Variants in TSPAN14 observed in about 807,000 individuals in gnomAD.
TSPAN14 encodes tetraspanin-14.
Under a neutral mutation model 36.6 loss-of-function variants are expected in TSPAN14, and 16 were observed. The observed-to-expected ratio is 0.44, with a 90% CI of 0.30 to 0.66. TSPAN14 has a LOEUF of 0.66. TSPAN14 is among the 30% of genes least tolerant of loss of function. TSPAN14 has a pLI of 0.12. For synonymous variants in TSPAN14, 139 were observed against 143.8 expected (o/e 0.97, Z 0.24); for missense variants, 231 against 355.1 (o/e 0.65, Z 2.81).
chr10:80,478,274 T>G (rs372481110), intron 1 of TSPAN14, among the ~76,000 whole-genome samples: 24 of 152,216 alleles, frequency 1.6e-4, no homozygotes, highest in African/African-American at 5.5e-4. Flanking sequence ...AGTAGTAGTA[T>G]TAGAAAATAA....
intron 1 of TSPAN14, among the ~76,000 whole-genome samples, chr10:80,481,150 G>T (rs1847250615): frequency 6.6e-6 from 1 of 152,068 alleles, no homozygotes; most frequent in South Asian, 2.1e-4. Context: ...AGACATACTG[G>T]ATGTGAAAAA....
In TSPAN14 at chr10:80,517,797, G is replaced by C. The variant is rs765000519; in HGVS notation, c.742-108G>C. The C allele has an allele frequency of 3.9e-4, 409 of 1,052,782 alleles. 1 individual carries two copies. The highest frequency in any genetic ancestry group is 5.3e-4 in the Non-Finnish European group (370 of 698,198). 65.2% of individuals were successfully genotyped at this position (1,052,782 alleles called of 1,614,324 possible). On this transcript the variant is annotated intron_variant, in intron 8 of 8. Transcript: ENST00000429989. Reference sequence around the variant, plus strand: ...TCTCTACGTCTTCAGTCGCAGCTGGGGGGTGAGGAGAGGCGTGCAGTGGGA... The same window carrying C: ...TCTCTACGTCTTCAGTCGCAGCTGGCGGGTGAGGAGAGGCGTGCAGTGGGA...
At chr10:80,519,174 C>T (rs555205164) in exon 9 of TSPAN14, 3 of 152,874 alleles carry the variant, frequency 2.0e-5, no homozygotes, top group South Asian at 2.1e-4. Flanking sequence ...CGGAGACAGC[C>T]GTTCTTCTGC....
intron 1 of TSPAN14, among the ~76,000 whole-genome samples, chr10:80,465,040 TC>T (rs1846165162): frequency 6.6e-6 from 1 of 152,126 alleles, no homozygotes; most frequent in South Asian, 2.1e-4. Context: ...TCTGTCAAGA[TC>T]CCCCTTCGCC....
intron 7 of TSPAN14, among the ~76,000 whole-genome samples, chr10:80,515,107 A>G (rs1840865587): frequency 6.6e-6 from 1 of 152,240 alleles, no homozygotes; most frequent in Non-Finnish European, 1.5e-5. Context: ...CTAAGATAAG[A>G]ACCTATATCA....
chr10:80,504,772 C>T (rs757374758), exon 3 of TSPAN14: 30 of 1,614,142 alleles, frequency 1.9e-5, no homozygotes, highest in Non-Finnish European at 2.5e-5. Context: ...GGGCATGGAG[C>T]GAAAAGGTAG....
In TSPAN14 at chr10:80,516,433, C is replaced by CAAAA; in HGVS notation, c.741+111_741+112insAAAA. On this transcript the variant is annotated intron_variant, in intron 8 of 8. Transcript: ENST00000429989. ...TTGGGTATGGTATTAAGGAAGCTTG[C>CAAAA]AGAAGAAAAAAAGGGATTCAACTGG... is the stretch of plus-strand genomic sequence containing the variant. 3.3e-6 allele frequency: 5 copies of CAAAA among 1,492,628 alleles called. No homozygotes were observed. The Admixed American group carries it at 6.0e-5, about 18-fold the overall frequency. The allele number at this position is 1,492,628 out of a possible 1,614,324, so 92.5% of individuals were successfully genotyped here.
chr10:80,520,893 T>C (rs755798454), exon 9 of TSPAN14: 40 of 509,262 alleles, frequency 7.9e-5, no homozygotes, highest in Non-Finnish European at 1.4e-4. Flanking sequence ...TCGCCAGTTC[T>C]CTGACCTCTC....
chr10:80,519,619 T>C (rs867655264), exon 9 of TSPAN14: 2 of 152,276 alleles, frequency 1.3e-5, no homozygotes, highest in Non-Finnish European at 2.9e-5. Flanking sequence ...ATGGAATATA[T>C]CTTTATATTA....
intron 3 of TSPAN14, 163 bp from the exon 4 acceptor site, chr10:80,507,065 C>A: frequency 1.2e-6 from 1 of 862,898 alleles, no homozygotes; most frequent in South Asian, 1.7e-5. Context: ...GTCGGAGGGG[C>A]CCCTAAGGGC....
chr10:80,511,073 T>G (rs1840593322), intron 5 of TSPAN14, among the ~76,000 whole-genome samples: 1 of 152,132 alleles, frequency 6.6e-6, no homozygotes, highest in African/African-American at 2.4e-5. Flanking sequence ...CTGTTGTCAT[T>G]TGTTGTGATT....
At chr10:80,503,931 A>G (rs1840132655) in intron 2 of TSPAN14, among the ~76,000 whole-genome samples, 2 of 152,006 alleles carry the variant, frequency 1.3e-5, no homozygotes, top group Admixed American at 6.5e-5. Context: ...TTTGTTGTAT[A>G]TGGAAAAGCC....
rs189123540 is a variant in TSPAN14, at chr10:80,492,205, G to T, written c.81+2891G>T. Reference sequence around the variant, plus strand: ...AGATAAGTTTTCTTTTTTTTTAAATGGAGAAAATATGAAAGTAGGATAATA... The same window carrying T: ...AGATAAGTTTTCTTTTTTTTTAAATTGAGAAAATATGAAAGTAGGATAATA... On this transcript the variant is annotated intron_variant, in intron 2 of 8. Transcript: ENST00000429989. Among the ~76,000 whole-genome samples, 7 of 152,166 alleles carry T rather than the reference G, an allele frequency of 4.6e-5. No individual in the cohort carries two copies. The East Asian group carries it at 1.4e-3, about 29-fold the overall frequency.
intron 1 of TSPAN14, among the ~76,000 whole-genome samples, chr10:80,474,883 A>G (rs1846769536): frequency 6.6e-6 from 1 of 152,120 alleles, no homozygotes; most frequent in Non-Finnish European, 1.5e-5. Context: ...ATAAAAAATG[A>G]GACTCTTGTC....
intron 1 of TSPAN14, among the ~76,000 whole-genome samples, chr10:80,476,086 G>A (rs1418000291): frequency 1.3e-5 from 2 of 152,192 alleles, no homozygotes; most frequent in Non-Finnish European, 2.9e-5. Context: ...ACAATGTAAA[G>A]GCTGGCTGGG....
intron 8 of TSPAN14, among the ~76,000 whole-genome samples, chr10:80,516,976 T>C (rs1219120308): frequency 6.6e-6 from 1 of 152,170 alleles, no homozygotes; most frequent in African/African-American, 2.4e-5. Context: ...TGGTGACTGC[T>C]AGGAGAAGAA....
intron 2 of TSPAN14, among the ~76,000 whole-genome samples, chr10:80,500,525 C>A (rs1848451915): frequency 6.6e-6 from 1 of 151,870 alleles, no homozygotes; most frequent in Admixed American, 6.6e-5. Flanking sequence ...GATGGGGTTT[C>A]TCCATGTTGG....
exon 9 of TSPAN14, chr10:80,517,978 G>A (rs777461406): frequency 7.1e-6 from 11 of 1,556,766 alleles, no homozygotes; most frequent in Middle Eastern, 1.7e-4. Flanking sequence ...CACTTCTGAG[G>A]AGCAGAGTTG....
chr10:80,479,022 T>A (rs1847086010), intron 1 of TSPAN14, among the ~76,000 whole-genome samples: 1 of 152,134 alleles, frequency 6.6e-6, no homozygotes, highest in Admixed American at 6.5e-5. Context: ...TGGTTTTGAT[T>A]TGCATTTCTC....
Sources: gnomAD v4.1 joint callset for allele counts (sites outside exome capture counted in the v4.1 genomes callset) on GRCh38, gnomAD v4.1.1 for gene constraint, MANE v1.5 for transcripts, NCBI Gene and HGNC (gene_info 2026-07-23, HGNC 2026-07-21) for gene names.